SLC25A16: variants seen among roughly 807,000 people sequenced by gnomAD.
The protein encoded by SLC25A16 is solute carrier family 25 member 16.
In SLC25A16, 39 loss-of-function variants were observed where a neutral mutation model predicts 41.5. That is an observed-to-expected ratio of 0.94 (90% CI 0.73 to 1.23). The LOEUF is 1.23. Ranked by LOEUF, SLC25A16 falls within the 50% of genes most tolerant of loss-of-function variation. The probability of loss-of-function intolerance (pLI) is 0.00; values close to 1 mark genes in which losing one functional copy is unlikely to be tolerated. For synonymous variants in SLC25A16, 146 were observed against 147.8 expected (o/e 0.99, Z 0.09); for missense variants, 421 against 426.9 (o/e 0.99, Z 0.12).
At position 68,519,890 on chromosome 10, in the gene SLC25A16, G is replaced by A. The variant is rs187214434; in HGVS notation, c.131-3047C>T. On this transcript the variant is annotated intron_variant, in intron 1 of 8. Transcript: ENST00000609923. Reference sequence around the variant, plus strand: ...AGATCATGTCACTGCACTCCAGCCTGGGCGACAAGAACGAAACTCCGTCTC... The same window carrying A: ...AGATCATGTCACTGCACTCCAGCCTAGGCGACAAGAACGAAACTCCGTCTC... Among the ~76,000 whole-genome samples the A allele has an allele frequency of 2.0e-3, 302 of 151,702 alleles. 1 individual carries two copies. Among genetic ancestry groups the A allele is most frequent in the African/African-American group, 6.9e-3 (287 of 41,406 alleles).
At chr10:68,484,267 G>C (rs139633323) in intron 8 of SLC25A16, among the ~76,000 whole-genome samples, 1 of 152,208 alleles carries the variant, frequency 6.6e-6, no homozygotes, top group Non-Finnish European at 1.5e-5. Context: ...AGTATCAACA[G>C]CAGGTGGTTA....
intron 1 of SLC25A16, among the ~76,000 whole-genome samples, chr10:68,519,485 CA>C (rs572226861): frequency 0.085 from 6,902 of 81,612 alleles, 145 homozygotes; most frequent in Middle Eastern, 0.15. Context: ...GACTCCATCT[CA>C]AAAAAAAAAA....
intron 7 of SLC25A16, among the ~76,000 whole-genome samples, chr10:68,487,730 G>C (rs994549099): frequency 1.3e-5 from 2 of 152,158 alleles, no homozygotes; most frequent in Non-Finnish European, 2.9e-5. Context: ...CCCCAGTAGA[G>C]AACTGCTCTA....
At chr10:68,504,089 G>A (rs936434125) in intron 3 of SLC25A16, among the ~76,000 whole-genome samples, 3 of 130,350 alleles carry the variant, frequency 2.3e-5, no homozygotes, top group African/African-American at 8.8e-5. Flanking sequence ...GCAGTGGCAC[G>A]ATCTCGGCTC....
intron 1 of SLC25A16, chr10:68,517,291 C>A (rs575218308): frequency 2.0e-6 from 2 of 976,276 alleles, no homozygotes; most frequent in African/African-American, 1.7e-5. Context: ...TTGAAACAAC[C>A]AACTTTTACC....
chr10:68,486,956 CAAAAAAAAAAA>C (rs374368406), intron 8 of SLC25A16, 177 bp downstream of exon 8: 22 of 103,112 alleles, frequency 2.1e-4, no homozygotes, highest in African/African-American at 1.1e-3. Context: ...GACTGCATCT[CAAAAAAAAAAA>C]AAAAAAAAAA....
chr10:68,503,100 A>G (rs1013226534), intron 4 of SLC25A16: 1 of 152,234 alleles, frequency 6.6e-6, no homozygotes, highest in African/African-American at 2.4e-5. Flanking sequence ...TACTTTAGTC[A>G]TTATAATTCG....
chr10:68,514,606 A>G (rs563571487), intron 2 of SLC25A16, among the ~76,000 whole-genome samples: 2 of 152,336 alleles, frequency 1.3e-5, no homozygotes, highest in South Asian at 4.1e-4. Context: ...GTCAAAGAAT[A>G]GGTACTTTTT....
At chr10:68,505,114 C>A (rs1212949595) in intron 3 of SLC25A16, among the ~76,000 whole-genome samples, 1 of 152,196 alleles carries the variant, frequency 6.6e-6, no homozygotes, top group Non-Finnish European at 1.5e-5. Context: ...GCATGGGCAA[C>A]ACAGTGAGAC....
chr10:68,492,294 C>T (rs2052672497), intron 6 of SLC25A16, among the ~76,000 whole-genome samples: 1 of 152,150 alleles, frequency 6.6e-6, no homozygotes, highest in South Asian at 2.1e-4. Flanking sequence ...ATAAAATCAA[C>T]TCCTTCGGGT....
In SLC25A16 at chr10:68,479,521, T is replaced by A. The variant is rs1001228488; in HGVS notation, c.*3911A>T. On this transcript the variant is annotated 3_prime_UTR_variant, in exon 9 of 9. Transcript: ENST00000609923. The stretch of plus-strand genomic sequence containing the variant: ...GTCAGTACCACGGTGAAGAATGGAA[T>A]GAGGACAGGAGCACTGGCTCATGCC... 1 of 152,028 alleles carries A rather than the reference T, an allele frequency of 6.6e-6. No individual in the cohort carries two copies. The allele number at this position is 152,028 out of a possible 1,614,324, so 9.4% of individuals were successfully genotyped here.
chr10:68,492,254 T>C (rs2052671276), intron 6 of SLC25A16, among the ~76,000 whole-genome samples: 2 of 152,242 alleles, frequency 1.3e-5, no homozygotes, highest in South Asian at 4.1e-4. Context: ...GATTGTTCAT[T>C]GTTTCTGCTT....
intron 4 of SLC25A16, among the ~76,000 whole-genome samples, chr10:68,500,687 T>C (rs1034565302): frequency 2.6e-5 from 4 of 150,966 alleles, no homozygotes; most frequent in East Asian, 4.1e-4. Context: ...TCCTAGCACT[T>C]TGGGAGGCCA....
chr10:68,517,172 A>AACC (rs1456285465), intron 1 of SLC25A16: 1 of 1,015,630 alleles, frequency 9.8e-7, no homozygotes, highest in Non-Finnish European at 1.2e-6. Flanking sequence ...TGTTTGAAGT[A>AACC]ACCTCCTCTT....
intron 4 of SLC25A16, chr10:68,496,522 AG>A (rs1251785445): frequency 1.0e-6 from 1 of 984,746 alleles, no homozygotes; most frequent in African/African-American, 1.7e-5. Flanking sequence ...CCTACCAGGA[AG>A]CAATGAGACT....
intron 2 of SLC25A16, among the ~76,000 whole-genome samples, chr10:68,512,369 G>A (rs1427601868): frequency 1.1e-5 from 1 of 90,790 alleles, no homozygotes; most frequent in African/African-American, 5.2e-5. Context: ...CGGGCGCGGT[G>A]GCTCACGCCT....
chr10:68,486,529 A>C (rs1347409173), intron 8 of SLC25A16, among the ~76,000 whole-genome samples: 1 of 151,410 alleles, frequency 6.6e-6, no homozygotes, highest in Non-Finnish European at 1.5e-5. Context: ...GCCCGACACC[A>C]CATCTGGCTA....
intron 1 of SLC25A16, among the ~76,000 whole-genome samples, chr10:68,523,191 G>C (rs1379439244): frequency 6.6e-6 from 1 of 152,026 alleles, no homozygotes; most frequent in Non-Finnish European, 1.5e-5. Context: ...TCGCGTTCAA[G>C]TGATTCTCCT....
intron 4 of SLC25A16, chr10:68,499,680 GA>G: frequency 2.8e-6 from 1 of 355,242 alleles, no homozygotes; most frequent in Non-Finnish European, 5.6e-6. Flanking sequence ...ATGCCCATCC[GA>G]AAGGTTTTGA....
Sources: gnomAD v4.1 joint callset for allele counts (sites outside exome capture counted in the v4.1 genomes callset) on GRCh38, gnomAD v4.1.1 for gene constraint, MANE v1.5 for transcripts, NCBI Gene and HGNC (gene_info 2026-07-23, HGNC 2026-07-21) for gene names.